The following CALN1 variants were observed in gnomAD, a reference collection of about 807,000 sequenced individuals.
CALN1 encodes the protein calneuron 1.
Under a neutral mutation model 30.6 loss-of-function variants are expected in CALN1, and 17 were observed. That is an observed-to-expected ratio of 0.56 (90% confidence interval 0.38 to 0.83). The LOEUF is 0.83. Among genes scored for constraint, CALN1 ranks in the 40% least tolerant of loss-of-function variants. The pLI is 0.00. For missense variants in CALN1, 291 were observed against 354.9 expected (o/e 0.82, Z 1.45); for synonymous variants, 156 against 131.4 (o/e 1.19, Z -1.28).
At chr7:72,316,848 G>T (rs1800486144) in intron 2 of CALN1, among the ~76,000 whole-genome samples, 1 of 151,848 alleles carries the variant, frequency 6.6e-6, no homozygotes, top group South Asian at 2.1e-4. Flanking sequence ...TGGAGGCTGA[G>T]GCAGGAGGAT....
intron 2 of CALN1, among the ~76,000 whole-genome samples, chr7:72,308,370 G>GGT (rs1336948736): frequency 1.1e-5 from 1 of 90,242 alleles, no homozygotes; most frequent in African/African-American, 4.5e-5. Flanking sequence ...TCTGTGGGGG[G>GGT]GGGAGAGAGA....
intron 3 of CALN1, among the ~76,000 whole-genome samples, chr7:72,219,212 A>C (rs1793081685): frequency 6.6e-6 from 1 of 151,892 alleles, no homozygotes; most frequent in Non-Finnish European, 1.5e-5. Flanking sequence ...AACTGAGTCA[A>C]ATGCCCGTCA....
chr7:72,354,568 A>T (rs971208706), intron 2 of CALN1, among the ~76,000 whole-genome samples: 2 of 152,184 alleles, frequency 1.3e-5, no homozygotes, highest in Non-Finnish European at 2.9e-5. Context: ...TAATCAAGAG[A>T]GTGTGGTTTT....
At chr7:71,978,767 A>G (rs964458096) in intron 5 of CALN1, among the ~76,000 whole-genome samples, 3 of 152,222 alleles carry the variant, frequency 2.0e-5, no homozygotes, top group African/African-American at 7.2e-5. Context: ...CTAGAGATCC[A>G]TCCTCCATCT....
chr7:71,981,448 G>A (rs1446163645), intron 5 of CALN1, among the ~76,000 whole-genome samples: 1 of 152,162 alleles, frequency 6.6e-6, no homozygotes, highest in Non-Finnish European at 1.5e-5. Context: ...TGAGGCGGAA[G>A]GATCACCTGA....
chr7:72,315,396 A>G (rs1448598182), intron 2 of CALN1, among the ~76,000 whole-genome samples: 1 of 152,204 alleles, frequency 6.6e-6, no homozygotes, highest in African/African-American at 2.4e-5. Context: ...GTATGTGCTC[A>G]CTTATAATCT....
chr7:72,010,813 A>AAAAAG (rs1212905541), intron 5 of CALN1, among the ~76,000 whole-genome samples: 17 of 151,114 alleles, frequency 1.1e-4, no homozygotes, highest in Non-Finnish European at 1.6e-4. Context: ...CTCAAAAAAA[A>AAAAAG]AAAAGAAAAG....
At chr7:72,230,665 C>T (rs967292765) in intron 3 of CALN1, among the ~76,000 whole-genome samples, 12 of 152,174 alleles carry the variant, frequency 7.9e-5, no homozygotes, top group African/African-American at 2.9e-4. Context: ...ACAGATTCTG[C>T]CCCAGCATCT....
intron 2 of CALN1, among the ~76,000 whole-genome samples, chr7:72,387,480 A>G (rs1013684522): frequency 9.9e-5 from 15 of 152,158 alleles, no homozygotes; most frequent in African/African-American, 3.6e-4. Flanking sequence ...CCTGACAAAC[A>G]CACACTCCCT....
chr7:71,946,784 CG>C (rs1796428062), intron 5 of CALN1, among the ~76,000 whole-genome samples: 1 of 152,032 alleles, frequency 6.6e-6, no homozygotes, highest in Admixed American at 6.6e-5. Context: ...GTACCTGACA[CG>C]GTCTGGAATC....
intron 3 of CALN1, among the ~76,000 whole-genome samples, chr7:72,140,326 AGG>A (rs1809817131): frequency 8.2e-6 from 1 of 121,238 alleles, no homozygotes; most frequent in Non-Finnish European, 1.7e-5. Context: ...GAACAGAGAA[AGG>A]GAGAAGGAAG....
chr7:72,471,106 C>T, the CALN1 span, among the ~76,000 whole-genome samples: 1 of 152,158 alleles, frequency 6.6e-6, no homozygotes, highest in Non-Finnish European at 1.5e-5. Flanking sequence ...AAGCAAGCAC[C>T]ACCACACTGG....
intron 5 of CALN1, among the ~76,000 whole-genome samples, chr7:71,934,222 A>G (rs1471029917): frequency 1.3e-5 from 2 of 152,216 alleles, no homozygotes; most frequent in African/African-American, 2.4e-5. Flanking sequence ...GATAATATTC[A>G]ATGAGAATTG....
intron 5 of CALN1, among the ~76,000 whole-genome samples, chr7:71,883,939 C>T (rs1347689810): frequency 3.9e-5 from 6 of 152,064 alleles, no homozygotes; most frequent in African/African-American, 1.2e-4. Flanking sequence ...CTTTCTTTGA[C>T]AGAGTCTCTC....
intron 4 of CALN1, among the ~76,000 whole-genome samples, chr7:72,024,790 T>G (rs1800946588): frequency 6.6e-6 from 1 of 152,174 alleles, no homozygotes. Flanking sequence ...CCCCAACCTT[T>G]GCATAAAATA....
upstream of CALN1, among the ~76,000 whole-genome samples, chr7:72,415,066 G>A (rs1184719092): frequency 2.0e-5 from 3 of 152,226 alleles, no homozygotes. Context: ...TGCAAGCCAG[G>A]AAAGGAGTCC....
At chr7:72,479,080 C>T in the CALN1 span, among the ~76,000 whole-genome samples, 7,783 of 152,008 alleles carry the variant, frequency 0.051, 247 homozygotes, top group African/African-American at 0.07. Flanking sequence ...TGGGGTTTCA[C>T]CGTGTTAGCC....
At chr7:71,903,210 G>T (rs1046032226) in intron 5 of CALN1, among the ~76,000 whole-genome samples, 1 of 151,910 alleles carries the variant, frequency 6.6e-6, no homozygotes, top group African/African-American at 2.4e-5. Flanking sequence ...ACTTAAATGA[G>T]AAACCATTTT....
At chr7:72,061,892 A>G (rs1584861192) in intron 4 of CALN1, among the ~76,000 whole-genome samples, 1 of 152,032 alleles carries the variant, frequency 6.6e-6, no homozygotes, top group Admixed American at 6.6e-5. Flanking sequence ...ATCCTCAAAC[A>G]TATCACAATC....
Sources: allele counts gnomAD v4.1 joint callset (sites outside exome capture counted in the v4.1 genomes callset), GRCh38; gene constraint gnomAD v4.1.1; transcripts MANE v1.5; gene names NCBI Gene and HGNC (gene_info 2026-07-23, HGNC 2026-07-21).